CREB3L1: variants seen among roughly 807,000 people sequenced by gnomAD.
The protein encoded by CREB3L1 is cAMP responsive element binding protein 3 like 1.
A neutral mutation model predicts 54.5 loss-of-function variants in CREB3L1; 33 were observed. The observed-to-expected ratio is 0.61, with a 90% confidence interval of 0.46 to 0.81. The LOEUF (loss-of-function observed/expected upper bound fraction) is 0.81, where lower values mean the gene tolerates loss of function less well. Ranked by LOEUF, CREB3L1 falls within the 30% of genes least tolerant of loss-of-function variation. The pLI is 0.00. For missense variants in CREB3L1, 656 were observed against 673.3 expected, an observed-to-expected ratio of 0.97 and a Z score of 0.29; for synonymous variants, 284 against 286.4, an observed-to-expected ratio of 0.99 and a Z score of 0.08.
At chr11:46,301,482 C>T (rs934966236) in intron 2 of CREB3L1, among the ~76,000 whole-genome samples, 1 of 152,022 alleles carries the variant, frequency 6.6e-6, no homozygotes. Context: ...TACAAAAATA[C>T]AACAATTAGC....
intron 2 of CREB3L1, among the ~76,000 whole-genome samples, chr11:46,303,935 G>A (rs898963657): frequency 1.3e-5 from 2 of 152,186 alleles, no homozygotes; most frequent in Non-Finnish European, 2.9e-5. Context: ...AAGCCCCGGA[G>A]GTCGAGGCTG....
chr11:46,298,575 T>C (rs546205895), intron 1 of CREB3L1, among the ~76,000 whole-genome samples: 2 of 152,208 alleles, frequency 1.3e-5, no homozygotes, highest in South Asian at 4.1e-4. Flanking sequence ...GGTGCGCACC[T>C]GTAGTCCCGG....
intron 8 of CREB3L1, among the ~76,000 whole-genome samples, chr11:46,314,042 G>T (rs1164584186): frequency 1.3e-5 from 2 of 152,074 alleles, no homozygotes; most frequent in African/African-American, 4.8e-5. Context: ...TTCGAGACCA[G>T]CCTGGCCAAC....
intron 5 of CREB3L1, among the ~76,000 whole-genome samples, chr11:46,312,054 C>T (rs1036248693): frequency 2.0e-5 from 3 of 152,150 alleles, no homozygotes; most frequent in Admixed American, 1.3e-4. Context: ...GCACCCTGGA[C>T]AAGTAAGCTT....
chr11:46,302,168 AAAT>A (rs61146206), intron 2 of CREB3L1, among the ~76,000 whole-genome samples: 27,366 of 135,372 alleles, frequency 0.2, 2,758 homozygotes, highest in Middle Eastern at 0.25. Flanking sequence ...GCTCCGTCTC[AAAT>A]AATAATAATA....
At chr11:46,298,623 C>G (rs562881447) in intron 1 of CREB3L1, among the ~76,000 whole-genome samples, 1 of 152,084 alleles carries the variant, frequency 6.6e-6, no homozygotes, top group Non-Finnish European at 1.5e-5. Context: ...CACTTGAACC[C>G]GGGAGATGGA....
intron 1 of CREB3L1, among the ~76,000 whole-genome samples, chr11:46,289,496 C>CTA (rs924498170): frequency 2.0e-5 from 3 of 152,186 alleles, no homozygotes; most frequent in African/African-American, 7.2e-5. Flanking sequence ...AACCAATGAC[C>CTA]TAACAGTCTG....
At position 46,295,686 on chromosome 11, in the gene CREB3L1, G is replaced by T. The variant is rs935644851; in HGVS notation, c.103-4249G>T. Reference sequence around the variant, plus strand: ...TCCCGCCATTGGCCAGGAGCTCTGCGGCTCCCACCAGTGAGCAGGCCGGAT... The same window carrying T: ...TCCCGCCATTGGCCAGGAGCTCTGCTGCTCCCACCAGTGAGCAGGCCGGAT... On this transcript the variant is annotated intron_variant, in intron 1 of 11. Transcript: ENST00000621158. This position sits in a 1 kb window ranked among gnomAD's most constrained non-coding sequence, Gnocchi z 4.6. Among the ~76,000 whole-genome samples the T allele has an allele frequency of 6.6e-6, 1 of 152,242 alleles. No individual in the cohort carries two copies. The highest frequency in any genetic ancestry group is 6.5e-5 in the Admixed American group (1 of 15,292).
intron 1 of CREB3L1, among the ~76,000 whole-genome samples, chr11:46,294,137 G>GCA (rs1326105683): frequency 1.3e-5 from 2 of 152,122 alleles, no homozygotes; most frequent in Non-Finnish European, 2.9e-5. Context: ...ATGCATGCGT[G>GCA]CACACACACA....
At chr11:46,314,034 C>G (rs980219998) in intron 8 of CREB3L1, among the ~76,000 whole-genome samples, 1 of 151,996 alleles carries the variant, frequency 6.6e-6, no homozygotes, top group Admixed American at 6.6e-5. Flanking sequence ...GCCAAGAGTT[C>G]GAGACCAGCC....
At chr11:46,288,425 C>T (rs888282407) in intron 1 of CREB3L1, among the ~76,000 whole-genome samples, 1 of 152,194 alleles carries the variant, frequency 6.6e-6, no homozygotes, top group African/African-American at 2.4e-5. Flanking sequence ...CTGTGGTCCC[C>T]CTTGCTGTTT....
chr11:46,311,506 G>T (rs867664818), intron 5 of CREB3L1, among the ~76,000 whole-genome samples: 285 of 149,368 alleles, frequency 1.9e-3, no homozygotes, highest in Non-Finnish European at 2.7e-3. Flanking sequence ...GCTTTTTTTT[G>T]TTTGTTTTTT....
intron 5 of CREB3L1, 90 bp downstream of exon 5, chr11:46,311,279 C>A: frequency 7.2e-7 from 1 of 1,393,076 alleles, no homozygotes; most frequent in Admixed American, 3.2e-5. Flanking sequence ...TTTGGGGAGC[C>A]CCGAGACTGA....
intron 8 of CREB3L1, chr11:46,315,564 G>GT (rs1939555357): frequency 5.2e-6 from 1 of 192,208 alleles, no homozygotes. Flanking sequence ...GGGCACGGTG[G>GT]CCCATGCCTG....
At chr11:46,304,200 G>A (rs763806219) in intron 2 of CREB3L1, among the ~76,000 whole-genome samples, 1 of 151,744 alleles carries the variant, frequency 6.6e-6, no homozygotes, top group Non-Finnish European at 1.5e-5. Flanking sequence ...TTGCCTGGGC[G>A]CGTGACTCAC....
At chr11:46,286,373 T>A (rs543569299) in intron 1 of CREB3L1, among the ~76,000 whole-genome samples, 2 of 152,234 alleles carry the variant, frequency 1.3e-5, no homozygotes, top group African/African-American at 4.8e-5. Flanking sequence ...ATAAATGCCA[T>A]CTCTCCCTTT....
At chr11:46,309,651 T>C (rs959912607) in intron 3 of CREB3L1, among the ~76,000 whole-genome samples, 3 of 152,188 alleles carry the variant, frequency 2.0e-5, no homozygotes, top group African/African-American at 7.2e-5. Flanking sequence ...TTCCAGACAT[T>C]ACCTCTTGTT....
chr11:46,284,231 C>T (rs886260140), intron 1 of CREB3L1, among the ~76,000 whole-genome samples: 5 of 152,074 alleles, frequency 3.3e-5, no homozygotes, highest in Non-Finnish European at 5.9e-5. Context: ...CCATGGTGGG[C>T]GCCATGATGG....
At chr11:46,297,805 C>G (rs772253601) in intron 1 of CREB3L1, among the ~76,000 whole-genome samples, 1 of 152,154 alleles carries the variant, frequency 6.6e-6, no homozygotes, top group Admixed American at 6.5e-5. Context: ...CCCCACAACT[C>G]CCACCATTGG....
Sources: gnomAD v4.1 joint callset for allele counts (sites outside exome capture counted in the v4.1 genomes callset) on GRCh38, gnomAD v4.1.1 for gene constraint, Gnocchi (gnomAD v3.1) non-coding constraint, MANE v1.5 for transcripts, NCBI Gene and HGNC (gene_info 2026-07-23, HGNC 2026-07-21) for gene names.